Variants in PIEZO2 observed in about 807,000 individuals in gnomAD.
PIEZO2 encodes piezo type mechanosensitive ion channel component 2.
PIEZO2 carries 172 observed loss-of-function variants against 337.3 expected under a neutral mutation model. That is an observed-to-expected ratio of 0.51 (90% confidence interval 0.45 to 0.58). PIEZO2 has a LOEUF of 0.58. Ranked by LOEUF, PIEZO2 falls within the 20% of genes least tolerant of loss-of-function variation. PIEZO2 has a pLI of 0.00. For missense variants in PIEZO2, 3,028 were observed against 3,391.3 expected (o/e 0.89, Z 2.66); for synonymous variants, 1,251 against 1,228.5 (o/e 1.02, Z -0.38).
chr18:11,046,358 T>G (rs1206841338), intron 2 of PIEZO2, among the ~76,000 whole-genome samples: 2 of 152,246 alleles, frequency 1.3e-5, no homozygotes, highest in African/African-American at 4.8e-5. Flanking sequence ...GAACTCTCAC[T>G]TTTATGAAAA....
Position 10,846,860 on chromosome 18 carries a change from G to A in PIEZO2, c.917+8493C>T, listed in dbSNP as rs187658877. ...ATTGCTTTATGTGCACAGGGGAACT[G>A]CAGGCATGATGGGAGATAAGGCTAG... On this transcript the variant is annotated intron_variant, in intron 7 of 55. Coordinates refer to ENST00000674853, the MANE Select transcript of PIEZO2 (RefSeq NM_001378183.1). This position sits in a 1 kb window ranked among gnomAD's most constrained non-coding sequence, Gnocchi z 4.1. 1.1e-4 allele frequency among the ~76,000 whole-genome samples: 17 copies of A among 152,310 alleles called. No individual in the cohort carries two copies. The highest frequency in any genetic ancestry group is 2.6e-4 in the Admixed American group (4 of 15,302).
intron 3 of PIEZO2, among the ~76,000 whole-genome samples, chr18:10,924,610 T>C (rs2031615831): frequency 6.6e-6 from 1 of 152,180 alleles, no homozygotes; most frequent in Admixed American, 6.5e-5. Flanking sequence ...ACCAACAAGG[T>C]ATCTTAAGAA....
rs1418834054 is a variant in PIEZO2 at position 11,035,313 on chromosome 18, CCCT to C, written c.160+30811_160+30813del. On this transcript the variant is annotated intron_variant, in intron 2 of 55. Transcript: ENST00000674853. This position sits in a 1 kb window ranked among gnomAD's most constrained non-coding sequence, Gnocchi z 4.3. ...AAAGCCTGGCACCTTCTCTCTCTCT[CCCT>C]CTCTCTCTCTCTCTCTCTTTCTCTC... Among the ~76,000 whole-genome samples, 3 of 114,844 alleles carry C rather than the reference CCCT, an allele frequency of 2.6e-5. No individual in the cohort carries two copies. Among genetic ancestry groups the C allele is most frequent in the African/African-American group, 1.3e-4 (3 of 23,176 alleles). 75.3% of individuals were successfully genotyped at this position (114,844 alleles called of 152,430 possible).
rs552546077 is a variant in PIEZO2 at position 11,003,334 on chromosome 18, C to T, written c.161-23674G>A. ...ATCCTCACTTATCATCAGTAGGCTC[C>T]TGGAAACTGCGGCTTTAAGCAAAAC... On this transcript the variant is annotated intron_variant, in intron 2 of 55. Transcript: ENST00000674853. This position sits in a 1 kb window ranked among gnomAD's most constrained non-coding sequence, Gnocchi z 4.6. Among the ~76,000 whole-genome samples the T allele has an allele frequency of 6.6e-6, 1 of 152,288 alleles. No homozygotes were observed. Among genetic ancestry groups the T allele is most frequent in the African/African-American group, 2.4e-5 (1 of 41,560 alleles).
At position 11,104,322 on chromosome 18, in the gene PIEZO2, A is replaced by G. The variant is rs760831189; in HGVS notation, c.65-38100T>C. 1.3e-4 allele frequency among the ~76,000 whole-genome samples: 20 copies of G among 152,314 alleles called. No homozygotes were observed. The highest frequency in any genetic ancestry group is 2.2e-4 in the Non-Finnish European group (15 of 68,014). On this transcript the variant is annotated intron_variant, in intron 1 of 55. Transcript: ENST00000674853. The surrounding 1 kb of genome is among the most constrained non-coding windows in gnomAD (Gnocchi z 4.6). ...ATCCTATGCAGAAAGCTATGCTGTT[A>G]GCCCTAGCCACCCCACCTCAAGCCA...
At chr18:10,985,162 G>A (rs1255481667) in intron 2 of PIEZO2, among the ~76,000 whole-genome samples, 1 of 152,078 alleles carries the variant, frequency 6.6e-6, no homozygotes, top group Non-Finnish European at 1.5e-5. Context: ...CACTGGTAGA[G>A]ATAAGTTCAT....
At chr18:11,025,469 C>T (rs1220443051) in intron 2 of PIEZO2, among the ~76,000 whole-genome samples, 2 of 152,100 alleles carry the variant, frequency 1.3e-5, no homozygotes, top group African/African-American at 4.8e-5. Context: ...AATGGTCTTC[C>T]CAGTTAGTGC....
At chr18:10,923,416 T>C (rs750960012) in intron 3 of PIEZO2, among the ~76,000 whole-genome samples, 1 of 152,178 alleles carries the variant, frequency 6.6e-6, no homozygotes, top group Non-Finnish European at 1.5e-5. Flanking sequence ...AGGGATGTGC[T>C]TTCAGGAACA....
intron 3 of PIEZO2, among the ~76,000 whole-genome samples, chr18:10,919,274 A>C (rs2031225292): frequency 6.6e-6 from 1 of 152,094 alleles, no homozygotes; most frequent in African/African-American, 2.4e-5. Flanking sequence ...TCTGCAGCCA[A>C]TTCATTTGCC....
At position 11,110,306 on chromosome 18, in the gene PIEZO2, T is replaced by A. The variant is rs867773333; in HGVS notation, c.64+38219A>T. 6.6e-6 allele frequency among the ~76,000 whole-genome samples: 1 copy of A among 152,216 alleles called. No homozygotes were observed. Among genetic ancestry groups the A allele is most frequent in the South Asian group, 2.1e-4 (1 of 4,824 alleles). ...CTAATAAACATACACAGAAGATGTC[T>A]TAAAAGGTAAATCTCAATTCTGTTC... On this transcript the variant is annotated intron_variant, in intron 1 of 55. Coordinates refer to ENST00000674853, the MANE Select transcript of PIEZO2 (RefSeq NM_001378183.1). This position sits in a 1 kb window ranked among gnomAD's most constrained non-coding sequence, Gnocchi z 4.2.
Position 11,070,607 on chromosome 18 carries a change from C to T in PIEZO2, c.65-4385G>A, listed in dbSNP as rs1464600840. Among the ~76,000 whole-genome samples, 3 of 152,194 alleles carry T rather than the reference C, an allele frequency of 2.0e-5. No homozygotes were observed. The highest frequency in any genetic ancestry group is 4.4e-5 in the Non-Finnish European group (3 of 68,042). ...AGGGAAAGGTTTTCACAAAAGAAGT[C>T]CACTGCAAAAGGGAGACTAGACTGT... is the stretch of plus-strand genomic sequence containing the variant. On this transcript the variant is annotated intron_variant, in intron 1 of 55. Coordinates refer to ENST00000674853, the MANE Select transcript of PIEZO2 (RefSeq NM_001378183.1). The surrounding 1 kb of genome is among the most constrained non-coding windows in gnomAD (Gnocchi z 4.3).
intron 3 of PIEZO2, among the ~76,000 whole-genome samples, chr18:10,930,383 C>A (rs1041673676): frequency 6.6e-6 from 1 of 152,204 alleles, no homozygotes; most frequent in African/African-American, 2.4e-5. Context: ...AGAGCTTAAC[C>A]CTTTCAACCA....
rs144967610 is a variant in PIEZO2, at chr18:10,724,269, G to A, written c.5030-6010C>T. On this transcript the variant is annotated intron_variant, in intron 36 of 55. Coordinates refer to ENST00000674853, the MANE Select transcript of PIEZO2 (RefSeq NM_001378183.1). The surrounding 1 kb of genome is among the most constrained non-coding windows in gnomAD (Gnocchi z 5.8). ...AGCACTTTGGGAGGCTGAGGTGGGA[G>A]GATCACTTGAGGCCAGGAGTTGGAG... Among the ~76,000 whole-genome samples the A allele has an allele frequency of 1.3e-5, 2 of 152,268 alleles. No individual in the cohort carries two copies. Among genetic ancestry groups the A allele is most frequent in the Non-Finnish European group, 2.9e-5 (2 of 68,018 alleles).
intron 2 of PIEZO2, among the ~76,000 whole-genome samples, chr18:11,024,502 C>T (rs1157970359): frequency 1.3e-4 from 18 of 141,462 alleles, no homozygotes; most frequent in Admixed American, 7.2e-4. Flanking sequence ...GCCGAGATCG[C>T]GCCACTGCAC....
At chr18:11,093,576 CTTTTTTT>C (rs67441841) in intron 1 of PIEZO2, among the ~76,000 whole-genome samples, 38 of 56,662 alleles carry the variant, frequency 6.7e-4, no homozygotes, top group African/African-American at 2.4e-3. Flanking sequence ...CACTCAACAT[CTTTTTTT>C]TTTTTTTTTT....
At chr18:11,056,935 A>C (rs1183965376) in intron 2 of PIEZO2, among the ~76,000 whole-genome samples, 1 of 152,256 alleles carries the variant, frequency 6.6e-6, no homozygotes, top group Non-Finnish European at 1.5e-5. Context: ...AGGAACAACT[A>C]TCAGTCCATA....
chr18:10,940,192 T>G lies in PIEZO2; in HGVS notation c.287-28964A>C, dbSNP rs1235601424. Among the ~76,000 whole-genome samples, 1 of 152,206 alleles carries G rather than the reference T, an allele frequency of 6.6e-6. No homozygotes were observed. Among genetic ancestry groups the G allele is most frequent in the Non-Finnish European group, 1.5e-5 (1 of 68,032 alleles). Reference sequence around the variant, plus strand: ...AATTTGTTATTTATTAAAATAAATGTTAAAGTGAGTGTTCATTGGTGATTG... The same window carrying G: ...AATTTGTTATTTATTAAAATAAATGGTAAAGTGAGTGTTCATTGGTGATTG... On this transcript the variant is annotated intron_variant, in intron 3 of 55. Transcript: ENST00000674853. This position sits in a 1 kb window ranked among gnomAD's most constrained non-coding sequence, Gnocchi z 5.3.
intron 7 of PIEZO2, among the ~76,000 whole-genome samples, chr18:10,832,689 T>A (rs1180291671): frequency 6.6e-6 from 1 of 152,174 alleles, no homozygotes; most frequent in Non-Finnish European, 1.5e-5. Context: ...CGCTCTGCAA[T>A]TCCATCAGTT....
At chr18:11,147,679 T>C (rs969273664) in intron 1 of PIEZO2, among the ~76,000 whole-genome samples, 2 of 152,212 alleles carry the variant, frequency 1.3e-5, no homozygotes, top group African/African-American at 4.8e-5. Context: ...AGGAATTCAA[T>C]GTCACAGGCA....
Sources: gnomAD v4.1 joint callset for allele counts (sites outside exome capture counted in the v4.1 genomes callset) on GRCh38, gnomAD v4.1.1 for gene constraint, Gnocchi (gnomAD v3.1) non-coding constraint, MANE v1.5 for transcripts, NCBI Gene and HGNC (gene_info 2026-07-23, HGNC 2026-07-21) for gene names.